FAM13C: variants seen among roughly 807,000 people sequenced by gnomAD.
The protein encoded by FAM13C is family with sequence similarity 13 member C.
FAM13C carries 37 observed loss-of-function variants against 73.2 expected under a neutral mutation model. The observed-to-expected ratio is 0.51, with a 90% CI of 0.39 to 0.67. The LOEUF (loss-of-function observed/expected upper bound fraction) is 0.67, where lower values mean the gene tolerates loss of function less well. Ranked by LOEUF, FAM13C falls within the 30% of genes least tolerant of loss-of-function variation. FAM13C has a pLI of 0.00. For synonymous variants in FAM13C, 246 were observed against 260.9 expected (o/e 0.94, Z 0.55); for missense variants, 589 against 715.6 (o/e 0.82, Z 2.02).
chr10:59,300,510 C>T (rs753024718), intron 5 of FAM13C, among the ~76,000 whole-genome samples: 2 of 152,118 alleles, frequency 1.3e-5, no homozygotes, highest in African/African-American at 2.4e-5. Flanking sequence ...AAAAGTTCTA[C>T]CTTACATGTT....
At chr10:59,329,141 T>G (rs185622328) in intron 3 of FAM13C, among the ~76,000 whole-genome samples, 1 of 152,144 alleles carries the variant, frequency 6.6e-6, no homozygotes, top group Admixed American at 6.6e-5. Context: ...TAAAATTTTC[T>G]GGCCCTTTAA....
chr10:59,314,746 T>C (rs921237292), intron 4 of FAM13C, among the ~76,000 whole-genome samples: 13 of 152,178 alleles, frequency 8.5e-5, no homozygotes, highest in African/African-American at 3.1e-4. Flanking sequence ...TGCAGGATCA[T>C]CAGAGTGCTC....
intron 13 of FAM13C, chr10:59,251,360 G>A: frequency 2.0e-6 from 1 of 509,410 alleles, no homozygotes; most frequent in Non-Finnish European, 3.4e-6. Flanking sequence ...ATTTTTTACA[G>A]ATTGATGTCA....
intron 3 of FAM13C, among the ~76,000 whole-genome samples, chr10:59,340,337 C>T (rs1853330367): frequency 6.6e-6 from 1 of 152,126 alleles, no homozygotes; most frequent in South Asian, 2.1e-4. Flanking sequence ...CCCTGCTTCT[C>T]CCTCATTCTG....
rs140864889 is a variant in FAM13C, at chr10:59,324,508, T to TCA, written c.325-404_325-403dup. On this transcript the variant is annotated intron_variant, in intron 3 of 13. Coordinates refer to ENST00000618804, the MANE Select transcript of FAM13C (RefSeq NM_198215.4). Reference sequence around the variant, plus strand: ...CATATGTATGAATGTTCACACATACTCACACACACACACACACACCCCACA... The same window carrying TCA: ...CATATGTATGAATGTTCACACATACTCACACACACACACACACACACCCCACA... Among the ~76,000 whole-genome samples, 1,454 of 149,016 alleles carry TCA rather than the reference T, an allele frequency of 9.8e-3. 25 individuals carry two copies. Among genetic ancestry groups the TCA allele is most frequent in the African/African-American group, 0.03 (1,214 of 40,682 alleles).
chr10:59,330,503 T>C (rs2134093004), intron 3 of FAM13C, among the ~76,000 whole-genome samples: 1 of 152,284 alleles, frequency 6.6e-6, no homozygotes, highest in East Asian at 1.9e-4. Context: ...TTTTCTCCTC[T>C]CTAGCATGTG....
At chr10:59,319,789 C>T (rs756009515) in intron 4 of FAM13C, among the ~76,000 whole-genome samples, 6 of 152,172 alleles carry the variant, frequency 3.9e-5, no homozygotes, top group Admixed American at 2.0e-4. Context: ...CTCTAACTAA[C>T]TGCAGTTCTT....
In FAM13C at chr10:59,262,629, C is replaced by A. The variant is rs763827338; in HGVS notation, c.1041G>T (p.Leu347=). ...RKQLKELKLK[L]SEEQGSAPKG... ...TGGGAGCACTCCCTTGTTCTTCTGA[C>A]AGCTTTAGCTTTAGTTCTAAGAGAA... is the stretch of plus-strand genomic sequence containing the variant. The change falls in exon 10 of 14, where the codon CTG becomes CTT. Residue 347 remains leucine (L), a synonymous_variant. Transcript: ENST00000618804. The A allele has an allele frequency of 6.2e-7, 1 of 1,613,564 alleles. No individual in the cohort carries two copies. The highest frequency in any genetic ancestry group is 1.7e-5 in the Admixed American group (1 of 59,970).
At chr10:59,270,724 G>A (rs562700597) in intron 6 of FAM13C, among the ~76,000 whole-genome samples, 7 of 152,166 alleles carry the variant, frequency 4.6e-5, no homozygotes, top group South Asian at 2.1e-4. Flanking sequence ...AAACACATAC[G>A]TTTATATGTA....
intron 4 of FAM13C, among the ~76,000 whole-genome samples, chr10:59,312,994 C>T (rs572434596): frequency 2.0e-4 from 31 of 152,298 alleles, no homozygotes; most frequent in African/African-American, 6.7e-4. Context: ...CTTCTTCTGA[C>T]ATCAACCTCC....
chr10:59,337,716 G>A (rs1304595340), intron 3 of FAM13C, among the ~76,000 whole-genome samples: 1 of 86,342 alleles, frequency 1.2e-5, no homozygotes, highest in African/African-American at 4.7e-5. Flanking sequence ...TTTCATTCTT[G>A]TCACCCAGGC....
chr10:59,326,808 A>G (rs1157822242), intron 3 of FAM13C, among the ~76,000 whole-genome samples: 1 of 152,078 alleles, frequency 6.6e-6, no homozygotes, highest in Admixed American at 6.6e-5. Flanking sequence ...GCAGACACAG[A>G]CCTCTCTAGT....
intron 10 of FAM13C, among the ~76,000 whole-genome samples, chr10:59,254,944 G>T (rs1173225272): frequency 1.3e-5 from 2 of 151,912 alleles, no homozygotes; most frequent in African/African-American, 4.8e-5. Flanking sequence ...TTTTTTTCTT[G>T]GAAGTTTCTT....
rs114977535 is a variant in FAM13C at position 59,325,120 on chromosome 10, T to C, written c.325-1014A>G. ...GAGAAATTCAGTAGCTCCAGGTGGC[T>C]ACCATCATACAGGCAAATTATTCAA... is the stretch of plus-strand genomic sequence containing the variant. On this transcript the variant is annotated intron_variant, in intron 3 of 13. Transcript: ENST00000618804. 5.9e-3 allele frequency among the ~76,000 whole-genome samples: 898 copies of C among 152,322 alleles called. 8 individuals are homozygous for C. The highest frequency in any genetic ancestry group is 0.021 in the African/African-American group (860 of 41,584).
chr10:59,282,650 T>C (rs1845067939), intron 6 of FAM13C: 1 of 152,166 alleles, frequency 6.6e-6, no homozygotes, highest in Non-Finnish European at 1.5e-5. Context: ...ACCTCTTTGT[T>C]ATGTTAGAAA....
At chr10:59,309,139 C>T (rs1411622517) in intron 4 of FAM13C, among the ~76,000 whole-genome samples, 1 of 152,178 alleles carries the variant, frequency 6.6e-6, no homozygotes, top group Non-Finnish European at 1.5e-5. Flanking sequence ...CTATCTAACG[C>T]TTTTCTTTCC....
chr10:59,262,411 T>C, intron 10 of FAM13C, 23 bp downstream of exon 10: 2 of 1,607,476 alleles, frequency 1.2e-6, no homozygotes, highest in Non-Finnish European at 1.7e-6. Context: ...GGGCCCTCTA[T>C]ATAACAAGAC....
chr10:59,318,809 T>C (rs1849849413), intron 4 of FAM13C, among the ~76,000 whole-genome samples: 1 of 152,050 alleles, frequency 6.6e-6, no homozygotes, highest in Non-Finnish European at 1.5e-5. Context: ...GCAAGCTGTT[T>C]TTTATCTCTA....
intron 6 of FAM13C, among the ~76,000 whole-genome samples, chr10:59,280,114 A>G (rs753266099): frequency 1.5e-4 from 23 of 152,358 alleles, no homozygotes; most frequent in Non-Finnish European, 3.2e-4. Flanking sequence ...GACTCAGTCT[A>G]TAACAGCTTC....
Sources: allele counts gnomAD v4.1 joint callset (sites outside exome capture counted in the v4.1 genomes callset), GRCh38; gene constraint gnomAD v4.1.1; transcripts MANE v1.5; gene names NCBI Gene and HGNC (gene_info 2026-07-23, HGNC 2026-07-21).